Variants in FBXL17 observed in about 807,000 individuals in gnomAD.
FBXL17 encodes the protein F-box/LRR-repeat protein 17.
In FBXL17, 22 loss-of-function variants were observed where a neutral mutation model predicts 66.2. The observed-to-expected ratio is 0.33, with a 90% confidence interval of 0.24 to 0.47. The LOEUF is 0.47. Ranked by LOEUF, FBXL17 falls within the 20% of genes least tolerant of loss-of-function variation. The pLI, the probability that FBXL17 is intolerant of heterozygous loss-of-function variation, is 1.00. For missense variants in FBXL17, 878 were observed against 948.2 expected (o/e 0.93, Z 0.97); for synonymous variants, 474 against 400.5 (o/e 1.18, Z -2.19).
chr5:108,357,892 C>A (rs1240733844), intron 3 of FBXL17, among the ~76,000 whole-genome samples: 1 of 116,672 alleles, frequency 8.6e-6, no homozygotes, highest in Non-Finnish European at 1.8e-5. Flanking sequence ...AATAAAACAT[C>A]AAAATTTATG....
chr5:108,080,208 T>C (rs1347395545), intron 6 of FBXL17, among the ~76,000 whole-genome samples: 2 of 152,216 alleles, frequency 1.3e-5, no homozygotes, highest in East Asian at 3.8e-4. Flanking sequence ...TTTGGTGCTT[T>C]TTAAAATAAA....
At chr5:108,328,550 A>G (rs1399217814) in intron 4 of FBXL17, among the ~76,000 whole-genome samples, 7 of 152,094 alleles carry the variant, frequency 4.6e-5, no homozygotes, top group Admixed American at 4.6e-4. Flanking sequence ...TGTAGAAGAG[A>G]AAATGCAATA....
intron 6 of FBXL17, among the ~76,000 whole-genome samples, chr5:108,043,969 G>T (rs935234038): frequency 6.6e-6 from 1 of 152,068 alleles, no homozygotes; most frequent in Non-Finnish European, 1.5e-5. Flanking sequence ...AAATTGTATT[G>T]TGTTCTTAAT....
chr5:107,877,556 A>G (rs1748650894), intron 8 of FBXL17, among the ~76,000 whole-genome samples: 1 of 152,190 alleles, frequency 6.6e-6, no homozygotes, highest in Non-Finnish European at 1.5e-5. Flanking sequence ...CCTCAATAAA[A>G]CTGACTGTGA....
At chr5:108,223,302 T>G (rs1030725692) in intron 5 of FBXL17, among the ~76,000 whole-genome samples, 1 of 152,166 alleles carries the variant, frequency 6.6e-6, no homozygotes, top group Non-Finnish European at 1.5e-5. Flanking sequence ...TTACCTGGTT[T>G]TTTTCATCAT....
intron 5 of FBXL17, among the ~76,000 whole-genome samples, chr5:108,189,197 C>T (rs956133753): frequency 6.6e-6 from 1 of 151,956 alleles, no homozygotes; most frequent in Non-Finnish European, 1.5e-5. Flanking sequence ...CCTAGGGTTT[C>T]GCAAGGCAAT....
At chr5:108,009,287 A>ATATATATG (rs1754077617) in intron 7 of FBXL17, among the ~76,000 whole-genome samples, 1 of 83,376 alleles carries the variant, frequency 1.2e-5, no homozygotes, top group Non-Finnish European at 2.2e-5. Flanking sequence ...ATATATATAT[A>ATATATATG]TATATATATA....
At chr5:108,350,807 T>C (rs1297405557) in intron 3 of FBXL17, among the ~76,000 whole-genome samples, 1 of 152,186 alleles carries the variant, frequency 6.6e-6, no homozygotes, top group African/African-American at 2.4e-5. Context: ...TTACCTCCCA[T>C]ATACACTTTA....
intron 6 of FBXL17, among the ~76,000 whole-genome samples, chr5:108,119,493 G>A (rs1750391605): frequency 6.6e-6 from 1 of 152,140 alleles, no homozygotes; most frequent in African/African-American, 2.4e-5. Flanking sequence ...AGGGCCCATT[G>A]TTAACAGAAA....
chr5:107,922,352 T>C (rs1298677969), intron 7 of FBXL17, among the ~76,000 whole-genome samples: 1 of 152,178 alleles, frequency 6.6e-6, no homozygotes, highest in African/African-American at 2.4e-5. Context: ...TCAAACAGAT[T>C]CAAAAGACAA....
At chr5:108,323,584 A>G (rs928632328) in intron 4 of FBXL17, among the ~76,000 whole-genome samples, 4 of 151,970 alleles carry the variant, frequency 2.6e-5, no homozygotes, top group Non-Finnish European at 4.4e-5. Context: ...TTTTTGCAGA[A>G]AAAGAAAAAC....
At chr5:108,117,434 T>C (rs1561418650) in intron 6 of FBXL17, among the ~76,000 whole-genome samples, 1 of 152,180 alleles carries the variant, frequency 6.6e-6, no homozygotes, top group South Asian at 2.1e-4. Context: ...GTTTTAAATA[T>C]AACCCCAAAT....
At chr5:108,327,662 C>A (rs1028225680) in intron 4 of FBXL17, among the ~76,000 whole-genome samples, 1 of 152,076 alleles carries the variant, frequency 6.6e-6, no homozygotes, top group Admixed American at 6.6e-5. Flanking sequence ...TATGACTCTT[C>A]CAGAAATTCC....
chr5:108,006,745 G>A (rs1434412903), intron 7 of FBXL17, among the ~76,000 whole-genome samples: 3 of 152,164 alleles, frequency 2.0e-5, no homozygotes, highest in Non-Finnish European at 4.4e-5. Context: ...GTGTGCAGCA[G>A]CACATCATGT....
intron 4 of FBXL17, among the ~76,000 whole-genome samples, chr5:108,255,169 T>C (rs1237662950): frequency 6.6e-6 from 1 of 152,092 alleles, no homozygotes; most frequent in African/African-American, 2.4e-5. Context: ...ATAAAATACA[T>C]TTTTTGCAAA....
At chr5:107,874,415 C>T (rs773825256) in intron 8 of FBXL17, among the ~76,000 whole-genome samples, 16 of 152,220 alleles carry the variant, frequency 1.1e-4, no homozygotes, top group Middle Eastern at 3.4e-3. Flanking sequence ...TGCCTGACTT[C>T]GGGCTAAGGG....
chr5:107,953,726 T>A (rs575579069), intron 7 of FBXL17, among the ~76,000 whole-genome samples: 72 of 152,328 alleles, frequency 4.7e-4, no homozygotes, highest in African/African-American at 1.6e-3. Flanking sequence ...AATCGTAAGA[T>A]CATCTTTGAC....
intron 4 of FBXL17, among the ~76,000 whole-genome samples, chr5:108,229,790 G>A (rs879728848): frequency 1.3e-5 from 2 of 152,006 alleles, no homozygotes; most frequent in Non-Finnish European, 2.9e-5. Context: ...AACCCAAACA[G>A]TGGGAGAAAA....
chr5:108,292,153 C>T (rs1758139098), intron 4 of FBXL17, among the ~76,000 whole-genome samples: 1 of 149,882 alleles, frequency 6.7e-6, no homozygotes, highest in Non-Finnish European at 1.5e-5. Flanking sequence ...GACAGTTTCG[C>T]TTTTGTTGCC....
Sources: gnomAD v4.1 joint callset for allele counts (sites outside exome capture counted in the v4.1 genomes callset) on GRCh38, gnomAD v4.1.1 for gene constraint, MANE v1.5 for transcripts, NCBI Gene and HGNC (gene_info 2026-07-23, HGNC 2026-07-21) for gene names.